The following KCND2 variants were observed in gnomAD, a reference collection of about 807,000 sequenced individuals.
KCND2 encodes the protein A-type voltage-gated potassium channel KCND2.
In KCND2, 16 loss-of-function variants were observed where a neutral mutation model predicts 54.4. That is an observed-to-expected ratio of 0.29 (90% confidence interval 0.20 to 0.45). KCND2 has a LOEUF of 0.45. Among genes scored for constraint, KCND2 ranks in the 20% least tolerant of loss-of-function variants. The pLI, the probability that KCND2 is intolerant of heterozygous loss-of-function variation, is 1.00. For missense variants in KCND2, 486 were observed against 824.2 expected (o/e 0.59, Z 5.02); for synonymous variants, 317 against 310.7 (o/e 1.02, Z -0.21).
intron 1 of KCND2, among the ~76,000 whole-genome samples, chr7:120,583,165 G>C (rs1437699668): frequency 6.6e-6 from 1 of 152,044 alleles, no homozygotes; most frequent in Non-Finnish European, 1.5e-5. Flanking sequence ...CAGGAGCATG[G>C]ATAAGGAATA....
At chr7:120,422,854 T>C (rs1389771818) in intron 1 of KCND2, among the ~76,000 whole-genome samples, 1 of 152,192 alleles carries the variant, frequency 6.6e-6, no homozygotes, top group Non-Finnish European at 1.5e-5. Context: ...GGAGTCAAGA[T>C]AGAATATCAG....
chr7:120,347,259 G>A (rs1032776693), intron 1 of KCND2, among the ~76,000 whole-genome samples: 1 of 152,054 alleles, frequency 6.6e-6, no homozygotes, highest in East Asian at 1.9e-4. Context: ...TATAAGCAGG[G>A]TCTTTAGCCC....
intron 1 of KCND2, among the ~76,000 whole-genome samples, chr7:120,580,891 AT>A (rs1205476609): frequency 6.6e-6 from 1 of 152,194 alleles, no homozygotes; most frequent in Non-Finnish European, 1.5e-5. Context: ...AAAAGGCCAA[AT>A]TACCTTAGTG....
intron 1 of KCND2, among the ~76,000 whole-genome samples, chr7:120,316,895 G>A (rs959698473): frequency 3.3e-5 from 5 of 151,956 alleles, no homozygotes; most frequent in African/African-American, 1.2e-4. Context: ...GAGTGTAGTG[G>A]TGCAATCTCA....
At chr7:120,496,170 T>C (rs1802844206) in intron 1 of KCND2, among the ~76,000 whole-genome samples, 1 of 152,252 alleles carries the variant, frequency 6.6e-6, no homozygotes, top group Middle Eastern at 3.4e-3. Context: ...GCAAAACCTG[T>C]CCTGTAAACC....
At chr7:120,306,720 A>G (rs1799655078) in intron 1 of KCND2, among the ~76,000 whole-genome samples, 1 of 152,050 alleles carries the variant, frequency 6.6e-6, no homozygotes, top group Non-Finnish European at 1.5e-5. Context: ...ATTGACTTCT[A>G]TACCGTTATC....
intron 1 of KCND2, among the ~76,000 whole-genome samples, chr7:120,331,284 T>G (rs573293816): frequency 1.3e-5 from 2 of 152,252 alleles, no homozygotes; most frequent in East Asian, 3.9e-4. Context: ...TAATAACTTT[T>G]GGTTAAAATT....
At chr7:120,675,330 T>C (rs1792046506) in intron 1 of KCND2, among the ~76,000 whole-genome samples, 1 of 152,164 alleles carries the variant, frequency 6.6e-6, no homozygotes, top group Non-Finnish European at 1.5e-5. Flanking sequence ...CCCCCTGGGT[T>C]CAAGTGATTC....
chr7:120,409,821 T>C (rs1801421032), intron 1 of KCND2, among the ~76,000 whole-genome samples: 1 of 151,946 alleles, frequency 6.6e-6, no homozygotes, highest in Non-Finnish European at 1.5e-5. Context: ...GTTCTGCAAA[T>C]ATTTTCTCCA....
chr7:120,632,059 A>T (rs947023319), intron 1 of KCND2, among the ~76,000 whole-genome samples: 2 of 152,194 alleles, frequency 1.3e-5, no homozygotes, highest in African/African-American at 4.8e-5. Context: ...TCCTGGGAAG[A>T]TAAATGGATT....
chr7:120,355,262 A>G (rs1218057376), intron 1 of KCND2, among the ~76,000 whole-genome samples: 2 of 152,188 alleles, frequency 1.3e-5, no homozygotes, highest in Non-Finnish European at 2.9e-5. Flanking sequence ...CAATAATTAA[A>G]TGAGGCCAGG....
At chr7:120,618,952 A>G (rs1433254007) in intron 1 of KCND2, among the ~76,000 whole-genome samples, 1 of 152,142 alleles carries the variant, frequency 6.6e-6, no homozygotes, top group East Asian at 1.9e-4. Flanking sequence ...GGGAACACAG[A>G]CATGCATCAC....
intron 5 of KCND2, chr7:120,746,837 C>T (rs148853564): frequency 8.5e-5 from 13 of 152,112 alleles, no homozygotes; most frequent in African/African-American, 3.1e-4. Flanking sequence ...ATTCAGAAGT[C>T]TTTGTTGAAA....
In KCND2 at chr7:120,733,072, A is replaced by T; in HGVS notation, c.1278+7A>T. The T allele has an allele frequency of 1.9e-6, 3 of 1,613,332 alleles. No individual in the cohort carries two copies. In the East Asian group the frequency reaches 6.7e-5, roughly 36 times the overall value. On this transcript the variant is annotated splice_region_variant and intron_variant, in intron 2 of 5. Transcript: ENST00000331113. ...CAAACGAAGGGCACAAAAGGTGCGT[A>T]TTCAACTCCGTGCAACCATGGTTTA...
chr7:120,309,962 G>A (rs772024491), intron 1 of KCND2, among the ~76,000 whole-genome samples: 31 of 151,986 alleles, frequency 2.0e-4, no homozygotes, highest in Non-Finnish European at 2.5e-4. Flanking sequence ...TTGAAATCTT[G>A]TGTACTTCAC....
chr7:120,742,424 C>A, intron 3 of KCND2, 86 bp from the exon 4 acceptor site: 1 of 1,022,866 alleles, frequency 9.8e-7, no homozygotes. Flanking sequence ...GTTAATAGAG[C>A]AGATCTCTCT....
intron 1 of KCND2, among the ~76,000 whole-genome samples, chr7:120,454,295 AT>A (rs1562842514): frequency 6.6e-6 from 1 of 152,110 alleles, no homozygotes; most frequent in Non-Finnish European, 1.5e-5. Flanking sequence ...AATAAATATG[AT>A]TGATAGACCA....
intron 1 of KCND2, among the ~76,000 whole-genome samples, chr7:120,361,339 G>T (rs1800589845): frequency 6.6e-6 from 1 of 150,828 alleles, no homozygotes; most frequent in South Asian, 2.1e-4. Flanking sequence ...TCAGTCCTTA[G>T]GAAGAATTTC....
intron 1 of KCND2, among the ~76,000 whole-genome samples, chr7:120,422,409 C>A (rs1278189687): frequency 6.6e-6 from 1 of 152,182 alleles, no homozygotes; most frequent in Non-Finnish European, 1.5e-5. Context: ...CGAAGTCCTC[C>A]TCTTCCTGGC....
Sources: gnomAD v4.1 joint callset for allele counts (sites outside exome capture counted in the v4.1 genomes callset) on GRCh38, gnomAD v4.1.1 for gene constraint, MANE v1.5 for transcripts, NCBI Gene and HGNC (gene_info 2026-07-23, HGNC 2026-07-21) for gene names.